Variants in TYRP1 observed in about 807,000 individuals in gnomAD.
The protein encoded by TYRP1 is tyrosinase related protein 1.
TYRP1 carries 49 observed loss-of-function variants against 42.8 expected under a neutral mutation model. That is an observed-to-expected ratio of 1.14 (90% CI 0.91 to 1.45). The LOEUF (loss-of-function observed/expected upper bound fraction) is 1.45, where lower values mean the gene tolerates loss of function less well. Ranked by LOEUF, TYRP1 falls within the 40% of genes most tolerant of loss-of-function variation. The pLI is 0.00. For missense variants in TYRP1, 848 were observed against 662.0 expected, an observed-to-expected ratio of 1.28 and a Z score of -3.08; for synonymous variants, 279 against 235.4, an observed-to-expected ratio of 1.19 and a Z score of -1.69.
chr9:12,694,515 C>T (rs1047690413), intron 2 of TYRP1, 134 bp downstream of exon 2: 2 of 1,191,720 alleles, frequency 1.7e-6, no homozygotes, highest in African/African-American at 3.0e-5. Context: ...GTTGAGGAAA[C>T]TGAGGCTTAG....
chr9:12,708,931 C>CTATT, intron 7 of TYRP1, 46 bp from the exon 8 acceptor site: 2 of 1,522,982 alleles, frequency 1.3e-6, no homozygotes, highest in East Asian at 2.3e-5. Flanking sequence ...TTGGTGATAA[C>CTATT]TATTTTAATA....
At chr9:12,702,211 A>G in intron 4 of TYRP1, 60 bp from the exon 5 acceptor site, 1 of 1,574,866 alleles carries the variant, frequency 6.3e-7, no homozygotes, top group Non-Finnish European at 8.7e-7. Flanking sequence ...AGTTTTAAAG[A>G]GCGACAATAA....
chr9:12,696,364 C>A (rs561928578), intron 3 of TYRP1, among the ~76,000 whole-genome samples: 1 of 152,038 alleles, frequency 6.6e-6, no homozygotes, highest in South Asian at 2.1e-4. Context: ...TATATTTTTC[C>A]ACGTTCCCTA....
chr9:12,702,722 C>A (rs2118250465), intron 5 of TYRP1, among the ~76,000 whole-genome samples: 1 of 151,910 alleles, frequency 6.6e-6, no homozygotes, highest in Non-Finnish European at 1.5e-5. Flanking sequence ...AGCTAGCTGG[C>A]CAATATGTAA....
chr9:12,695,451 T>C, intron 2 of TYRP1, 64 bp from the exon 3 acceptor site: 1 of 1,450,034 alleles, frequency 6.9e-7, no homozygotes, highest in Non-Finnish European at 9.7e-7. Context: ...AAGATGATTA[T>C]GCTCTTTCTC....
At position 12,694,175 on chromosome 9, in the gene TYRP1, C is replaced by T; in HGVS notation, c.179C>T (p.Ser60Leu). Residue 60 changes from serine to leucine, a missense_variant, in exon 2 of 8, where the codon TCA becomes TTA. Ser to Leu is a moderately radical substitution (Grantham distance 145, BLOSUM62 -2). Transcript: ENST00000388918. Reference protein sequence around the residue: ...GPGTDRCGSSSGRGRCEAVTA... With the variant: ...GPGTDRCGSSLGRGRCEAVTA... The stretch of plus-strand genomic sequence containing the variant: ...GGGACAGACCGCTGTGGCTCATCAT[C>T]AGGGAGGGGCAGATGTGAGGCAGTG... 1 of 1,613,922 alleles carries T rather than the reference C, an allele frequency of 6.2e-7. No individual in the cohort carries two copies. The highest frequency in any genetic ancestry group is 8.5e-7 in the Non-Finnish European group (1 of 1,179,960).
chr9:12,709,154 T>C lies in TYRP1; in HGVS notation c.1586T>C (p.Leu529Pro), dbSNP rs1818313614. Reference sequence around the variant, plus strand: ...TGCTATGCTGAAGAATATGAAAAACTCCAGAATCCTAATCAGTCTGTGGTC... The same window carrying C: ...TGCTATGCTGAAGAATATGAAAAACCCCAGAATCCTAATCAGTCTGTGGTC... ...YQCYAEEYEKLQNPNQSVV is the reference protein window; with the variant it reads ...YQCYAEEYEKPQNPNQSVV Residue 529 changes from leucine (L) to proline (P), a missense_variant, in exon 8 of 8, where the codon CTC (leucine) becomes CCC (proline). Transcript: ENST00000388918. 6.2e-7 allele frequency: 1 copy of C among 1,612,374 alleles called. No homozygotes were observed. The highest frequency in any genetic ancestry group is 8.5e-7 in the Non-Finnish European group (1 of 1,178,964).
chr9:12,700,546 G>A (rs2118241267), intron 4 of TYRP1: 1 of 152,052 alleles, frequency 6.6e-6, no homozygotes, highest in South Asian at 2.1e-4. Context: ...ATTTTTATGT[G>A]GAAATTCCAC....
rs759267338 is a variant in TYRP1, at chr9:12,694,381, G to C, written c.385G>C (p.Val129Leu). The C allele has an allele frequency of 1.2e-5, 19 of 1,613,846 alleles. No homozygotes were observed. The highest frequency in any genetic ancestry group is 1.7e-4 in the Middle Eastern group (1 of 6,060). ...GAACDQRVLI[V>L]RRNLLDLSKE... ...TGCCTGTGACCAGAGGGTTCTCATAGGTAAGTGGAGATATGAATGAGTTCA... is the reference window on the plus strand; with the variant it reads ...TGCCTGTGACCAGAGGGTTCTCATACGTAAGTGGAGATATGAATGAGTTCA... The change falls in exon 2 of 8, where the codon GTC becomes CTC. Residue 129 changes from valine (V) to leucine (L), a missense_variant and splice_region_variant. Physicochemically the swap from Val to Leu is conservative, Grantham distance 32. Transcript: ENST00000388918.
At chr9:12,697,768 C>G (rs983832682) in intron 3 of TYRP1, among the ~76,000 whole-genome samples, 4 of 152,102 alleles carry the variant, frequency 2.6e-5, no homozygotes, top group African/African-American at 9.7e-5. Flanking sequence ...AACTAGGTCT[C>G]TGATCTAAAA....
At position 12,704,710 on chromosome 9, in the gene TYRP1, G is replaced by A. The variant is rs772881031; in HGVS notation, c.1261+5G>A. On this transcript the variant is annotated splice_donor_5th_base_variant and intron_variant, in intron 6 of 7. Transcript: ENST00000388918. ...GGCTGAGGAGATACAATGCTGGTAA[G>A]ACATTTTCATATGCCTTTTGCATGC... is the stretch of plus-strand genomic sequence containing the variant. 2 of 1,612,556 alleles carry A rather than the reference G, an allele frequency of 1.2e-6. No homozygotes were observed. The highest frequency in any genetic ancestry group is 2.2e-5 in the South Asian group (2 of 91,068).
At chr9:12,706,985 A>G (rs41298165) in intron 6 of TYRP1, among the ~76,000 whole-genome samples, 5,351 of 152,040 alleles carry the variant, frequency 0.035, 344 homozygotes, top group African/African-American at 0.12. Context: ...TTCAAATATT[A>G]ATGTCCATTA....
At position 12,698,323 on chromosome 9, in the gene TYRP1, T is replaced by C. The variant is rs989724078; in HGVS notation, c.709-128T>C. On this transcript the variant is annotated intron_variant, in intron 3 of 7. Coordinates refer to ENST00000388918, the MANE Select transcript of TYRP1 (RefSeq NM_000550.3). ...CTCCTCTGGGCCCCTCAGACACCGT[T>C]GATATACTAACCAGTACCTTATTGT... 20 of 910,078 alleles carry C rather than the reference T, an allele frequency of 2.2e-5. No homozygotes were observed. The African/African-American group carries it at 3.1e-4, about 14-fold the overall frequency. 56.4% of individuals were successfully genotyped at this position (910,078 alleles called of 1,614,324 possible). A position where few individuals can be genotyped will look rare whatever the true frequency, so the allele number is the denominator to read the frequency against.
At position 12,704,556 on chromosome 9, in the gene TYRP1, C is replaced by T. The variant is rs751251402; in HGVS notation, c.1112C>T (p.Pro371Leu). 2 of 1,612,714 alleles carry T rather than the reference C, an allele frequency of 1.2e-6. No individual in the cohort carries two copies. The highest frequency in any genetic ancestry group is 1.3e-5 in the African/African-American group (1 of 74,816). Residue 371 changes from proline to leucine, a missense_variant, in exon 6 of 8, where the codon CCT becomes CTT. Coordinates refer to ENST00000388918, the MANE Select transcript of TYRP1 (RefSeq NM_000550.3). The part of the protein sequence containing the change: ...GYSDPTGKYD[P>L]AVRSLHNLAH... ...AGTGACCCCACGGGAAAGTATGACC[C>T]TGCTGTTCGAAGTCTTCACAATTTG... is the stretch of plus-strand genomic sequence containing the variant.
In TYRP1 at chr9:12,695,567, G is replaced by A. The variant is rs553738168; in HGVS notation, c.438G>A (p.Arg146=). The A allele has an allele frequency of 1.9e-6, 3 of 1,614,098 alleles. No individual in the cohort carries two copies. Among genetic ancestry groups the A allele is most frequent in the Non-Finnish European group, 2.5e-6 (3 of 1,180,028 alleles). ...LSKEEKNHFV[R]ALDMAKRTTH... ...AAGAAGAAAAGAACCACTTTGTCCG[G>A]GCCCTGGATATGGCAAAGCGCACAA... Residue 146 remains arginine, a synonymous_variant, in exon 3 of 8, where the codon CGG becomes CGA. Coordinates refer to ENST00000388918, the MANE Select transcript of TYRP1 (RefSeq NM_000550.3).
intron 2 of TYRP1, among the ~76,000 whole-genome samples, chr9:12,694,730 G>T (rs538555713): frequency 1.3e-5 from 2 of 152,292 alleles, no homozygotes; most frequent in African/African-American, 4.8e-5. Flanking sequence ...CCACACAGGT[G>T]ATATTTAGTA....
chr9:12,707,502 A>C (rs1441531337), intron 6 of TYRP1, among the ~76,000 whole-genome samples: 1 of 151,934 alleles, frequency 6.6e-6, no homozygotes, highest in Non-Finnish European at 1.5e-5. Context: ...TACTGTGTAG[A>C]TATATGGAAG....
rs1412897620 is a variant in TYRP1 at position 12,708,163 on chromosome 9, T to C, written c.1408+20T>C. ...GGCCAAGTGAGTGTTGAAAGTGTAT[T>C]TTTACTGTGATAATTTCCAAAAGCA... On this transcript the variant is annotated intron_variant, in intron 7 of 7. Transcript: ENST00000388918. 3 of 1,611,906 alleles carry C rather than the reference T, an allele frequency of 1.9e-6. No homozygotes were observed.
At position 12,698,516 on chromosome 9, in the gene TYRP1, T is replaced by C. The variant is rs751453501; in HGVS notation, c.774T>C (p.Cys258=). The C allele has an allele frequency of 1.9e-6, 3 of 1,613,222 alleles. No homozygotes were observed. Among genetic ancestry groups the C allele is most frequent in the African/African-American group, 2.7e-5 (2 of 74,900 alleles). The change falls in exon 4 of 8, where the codon TGT becomes TGC. Residue 258 remains cysteine, a synonymous_variant. Transcript: ENST00000388918. ...YWNFATGKNV[C]DICTDDLMGS... is the part of the protein sequence containing the mutation. ...ATTTTGCAACGGGGAAAAATGTCTG[T>C]GATATCTGCACGGATGACTTGATGG... is the stretch of plus-strand genomic sequence containing the variant.
Sources: allele counts gnomAD v4.1 joint callset (sites outside exome capture counted in the v4.1 genomes callset), GRCh38; gene constraint gnomAD v4.1.1; transcripts MANE v1.5; gene names NCBI Gene and HGNC (gene_info 2026-07-23, HGNC 2026-07-21).